The following ZMYND8 variants were observed in gnomAD, a reference collection of about 807,000 sequenced individuals.
ZMYND8 encodes the protein zinc finger MYND-type containing 8.
A neutral mutation model predicts 140.8 loss-of-function variants in ZMYND8; 37 were observed. The ratio of observed to expected loss-of-function variants is 0.26; its 90% CI spans 0.20 to 0.35. The LOEUF (loss-of-function observed/expected upper bound fraction) is 0.35, where lower values mean the gene tolerates loss of function less well. ZMYND8 is among the 10% of genes least tolerant of loss of function. The pLI is 1.00. For missense variants in ZMYND8, 1,068 were observed against 1,570.0 expected (o/e 0.68, Z 5.40); for synonymous variants, 592 against 597.1 (o/e 0.99, Z 0.12).
chr20:47,285,885 T>C lies in ZMYND8; in HGVS notation c.804+1344A>G, dbSNP rs1309238420. ...AGTGAGAAAGCAGTTTATAAAACTC[T>C]CTCTACATAAATATACAGACATAAG... On this transcript the variant is annotated intron_variant, in intron 8 of 22. Transcript: ENST00000471951. 5 of 952,910 alleles carry C rather than the reference T, an allele frequency of 5.2e-6. No individual in the cohort carries two copies. The African/African-American group carries it at 7.1e-5, about 14-fold the overall frequency. The allele number at this position is 952,910 out of a possible 1,614,324, so 59.0% of individuals were successfully genotyped here. A position where few individuals can be genotyped will look rare whatever the true frequency, so the allele number is the denominator to read the frequency against.
intron 2 of ZMYND8, among the ~76,000 whole-genome samples, chr20:47,341,601 T>C (rs1269721334): frequency 6.7e-6 from 1 of 149,040 alleles, no homozygotes; most frequent in Admixed American, 6.7e-5. Flanking sequence ...CCAGGTGCGG[T>C]GGTTCATGCC....
chr20:47,269,972 G>C (rs1035254603), intron 11 of ZMYND8, among the ~76,000 whole-genome samples: 18 of 152,182 alleles, frequency 1.2e-4, no homozygotes, highest in Non-Finnish European at 2.5e-4. Context: ...GACCAGGCAT[G>C]GTGCCTCATG....
At chr20:47,269,601 C>G (rs554121039) in intron 11 of ZMYND8, among the ~76,000 whole-genome samples, 159 of 152,204 alleles carry the variant, frequency 1.0e-3, no homozygotes, top group Non-Finnish European at 2.0e-3. Flanking sequence ...TGAAACACAT[C>G]ATTTATTATC....
At chr20:47,304,417 C>T (rs2078319440) in intron 3 of ZMYND8, among the ~76,000 whole-genome samples, 1 of 152,256 alleles carries the variant, frequency 6.6e-6, no homozygotes, top group Admixed American at 6.5e-5. Flanking sequence ...AAAGCACACA[C>T]AGACAGTACA....
intron 2 of ZMYND8, among the ~76,000 whole-genome samples, chr20:47,333,273 C>A (rs2081099786): frequency 6.6e-6 from 1 of 152,050 alleles, no homozygotes; most frequent in Non-Finnish European, 1.5e-5. Flanking sequence ...GTCCCAGCTA[C>A]ACCAGAGGAT....
At chr20:47,281,228 G>A (rs945062954) in intron 10 of ZMYND8, among the ~76,000 whole-genome samples, 1 of 152,204 alleles carries the variant, frequency 6.6e-6, no homozygotes, top group Non-Finnish European at 1.5e-5. Context: ...CCTAGTAAAT[G>A]AGTTTGCAAA....
At chr20:47,257,549 A>G (rs967050696) in intron 12 of ZMYND8, among the ~76,000 whole-genome samples, 1 of 151,918 alleles carries the variant, frequency 6.6e-6, no homozygotes, top group South Asian at 2.1e-4. Context: ...ATATACAAAC[A>G]TACCCATATA....
At chr20:47,294,322 A>T (rs1220526461) in intron 5 of ZMYND8, among the ~76,000 whole-genome samples, 1 of 152,114 alleles carries the variant, frequency 6.6e-6, no homozygotes, top group African/African-American at 2.4e-5. Flanking sequence ...ACTGCACTCC[A>T]GCCTGGGTGA....
At chr20:47,220,435 A>C (rs2036778493) in intron 20 of ZMYND8, 111 bp from the exon 21 acceptor site, 47 of 899,090 alleles carry the variant, frequency 5.2e-5, no homozygotes, top group Non-Finnish European at 7.5e-5. Context: ...AAAGCATCTC[A>C]GTGTCCTCTG....
rs759531155 is a variant in ZMYND8, at chr20:47,246,348, C to CTCTTTGTCCATCTGACAACCT, written c.1923_1943dup (p.Gly642_Glu648dup). Reference sequence around the variant, plus strand: ...TGGGCTTTTTTTTAACAGCAGATGGCTCTTTGTCCATCTGACAACCTTCTT... The same window carrying CTCTTTGTCCATCTGACAACCT: ...TGGGCTTTTTTTTAACAGCAGATGGCTCTTTGTCCATCTGACAACCTTCTTTGTCCATCTGACAACCTTCTT... On this transcript the variant is annotated inframe_insertion, in exon 14 of 23. Transcript: ENST00000471951. 29 of 1,613,922 alleles carry CTCTTTGTCCATCTGACAACCT rather than the reference C, an allele frequency of 1.8e-5. No homozygotes were observed. The highest frequency in any genetic ancestry group is 2.1e-5 in the Non-Finnish European group (25 of 1,180,020).
chr20:47,349,785 C>A, intron 1 of ZMYND8: 1 of 1,521,598 alleles, frequency 6.6e-7, no homozygotes, highest in Non-Finnish European at 8.8e-7. Flanking sequence ...ATAGAGAAAA[C>A]GCTAATCTGT....
intron 1 of ZMYND8, chr20:47,349,955 C>T: frequency 3.3e-6 from 5 of 1,533,988 alleles, no homozygotes; most frequent in Non-Finnish European, 4.4e-6. Context: ...TTGTAACAGC[C>T]TAGAGGAGCT....
At chr20:47,248,075 A>G (rs140795483) in intron 13 of ZMYND8, among the ~76,000 whole-genome samples, 77 of 152,360 alleles carry the variant, frequency 5.1e-4, no homozygotes, top group African/African-American at 1.7e-3. Context: ...ACTGCAGTCC[A>G]AAGGACATGA....
chr20:47,212,744 T>C lies in ZMYND8; in HGVS notation c.3485-19A>G. ...TTGCTAACTGAAGAGATAGCACAGG[T>C]AGCCTCAGAGTCTGTCAGAGAGCTG... On this transcript the variant is annotated intron_variant, in intron 21 of 22. Coordinates refer to ENST00000471951, the MANE Select transcript of ZMYND8 (RefSeq NM_001281775.3). The C allele has an allele frequency of 6.3e-7, 1 of 1,599,142 alleles. No homozygotes were observed.
intron 2 of ZMYND8, among the ~76,000 whole-genome samples, chr20:47,325,779 T>C (rs1041868363): frequency 3.9e-5 from 6 of 151,980 alleles, no homozygotes; most frequent in African/African-American, 1.5e-4. Flanking sequence ...ATTATTCTTT[T>C]TCCATTTTGT....
chr20:47,221,180 C>T, intron 20 of ZMYND8, 134 bp downstream of exon 20: 6 of 1,236,402 alleles, frequency 4.9e-6, no homozygotes, highest in Non-Finnish European at 6.7e-6. Flanking sequence ...CCCACACATC[C>T]ACTGGAAATG....
chr20:47,287,163 G>C (rs2076974365), intron 8 of ZMYND8, 66 bp downstream of exon 8: 1 of 1,449,798 alleles, frequency 6.9e-7, no homozygotes. Context: ...TCTGCAAATG[G>C]AAACTTCAGC....
At chr20:47,296,005 G>GA (rs2077612011) in intron 4 of ZMYND8, among the ~76,000 whole-genome samples, 1 of 152,058 alleles carries the variant, frequency 6.6e-6, no homozygotes, top group African/African-American at 2.4e-5. Context: ...GGTTGTCGAG[G>GA]AAAAGGCCAA....
chr20:47,327,491 T>C (rs947965290), intron 2 of ZMYND8, among the ~76,000 whole-genome samples: 2 of 151,754 alleles, frequency 1.3e-5, no homozygotes, highest in Non-Finnish European at 2.9e-5. Flanking sequence ...CTGCCTCTAC[T>C]AAAAATACAA....
Sources: allele counts gnomAD v4.1 joint callset (sites outside exome capture counted in the v4.1 genomes callset), GRCh38; gene constraint gnomAD v4.1.1; transcripts MANE v1.5; gene names NCBI Gene and HGNC (gene_info 2026-07-23, HGNC 2026-07-21).